The following CSF1R variants were observed in gnomAD, a reference collection of about 807,000 sequenced individuals.
CSF1R encodes macrophage colony-stimulating factor 1 receptor.
A neutral mutation model predicts 110.0 loss-of-function variants in CSF1R; 40 were observed. The ratio of observed to expected loss-of-function variants is 0.36; its 90% CI spans 0.28 to 0.47. The LOEUF (loss-of-function observed/expected upper bound fraction) is 0.47. Among genes scored for constraint, CSF1R ranks in the 20% least tolerant of loss-of-function variants. The pLI, the probability that CSF1R is intolerant of heterozygous loss-of-function variation, is 0.99. For missense variants in CSF1R, 1,052 were observed against 1,253.0 expected (o/e 0.84, Z 2.42); for synonymous variants, 523 against 503.4 (o/e 1.04, Z -0.52).
At chr5:150,095,147 A>G in intron 1 of CSF1R, 1 of 711,396 alleles carries the variant, frequency 1.4e-6, no homozygotes, top group South Asian at 1.9e-5. Context: ...CAGAGCTTCA[A>G]ACTACATGAA....
At chr5:150,103,628 A>G (rs1254653893) in intron 1 of CSF1R, among the ~76,000 whole-genome samples, 2 of 152,214 alleles carry the variant, frequency 1.3e-5, no homozygotes, top group Non-Finnish European at 2.9e-5. Flanking sequence ...GCGCTGGGGA[A>G]CAGAAGATGG....
chr5:150,094,770 C>T (rs1250014810), intron 1 of CSF1R: 7 of 1,597,634 alleles, frequency 4.4e-6, no homozygotes, highest in Admixed American at 1.7e-5. Context: ...AATCTACAAG[C>T]GTGGTTATGG....
chr5:150,074,305 G>GTCTT lies in CSF1R; in HGVS notation c.890-813_890-812insAAGA, dbSNP rs995078692. ...CTTGTATCTGAAAGAGTCCTGACTA[G>GTCTT]TTTTTTTTTTTTTTTTTTTTGAAAC... On this transcript the variant is annotated intron_variant, in intron 5 of 20. Transcript: ENST00000675795. 3.7e-4 allele frequency among the ~76,000 whole-genome samples: 47 copies of GTCTT among 126,862 alleles called. 1 individual carries two copies. The South Asian group carries it at 0.011, about 29-fold the overall frequency. The allele number at this position is 126,862 out of a possible 152,430, so 83.2% of individuals were successfully genotyped here. A position where few individuals can be genotyped will look rare whatever the true frequency, so the allele number is the denominator to read the frequency against.
chr5:150,061,988 T>TGA (rs1001389844), intron 10 of CSF1R, 139 bp from the exon 11 acceptor site: 1 of 1,157,026 alleles, frequency 8.6e-7, no homozygotes. Flanking sequence ...TGCTCTGGGC[T>TGA]GAGAGAGGTC....
Position 150,104,214 on chromosome 5 carries a change from C to A in CSF1R, c.-181+9047G>T, listed in dbSNP as rs1044303368. Among the ~76,000 whole-genome samples, 5 of 152,234 alleles carry A rather than the reference C, an allele frequency of 3.3e-5. No homozygotes were observed. In the South Asian group the frequency reaches 1.0e-3, roughly 32 times the overall value. ...ATTCTCACCAAGTCCCTGACCCAGG[C>A]TGGCAGAGACCCCTCTCTGGTGGAA... On this transcript the variant is annotated intron_variant, in intron 1 of 21. Transcript: ENST00000286301.
At position 150,061,485 on chromosome 5, in the gene CSF1R, A is replaced by G. The variant is rs745870614; in HGVS notation, c.1858+6T>C. ...ATCCCTTCCCTCATCCCCTCCCCTC[A>G]CTCACACTTCAGCATCTTCACAGCC... is the stretch of plus-strand genomic sequence containing the variant. On this transcript the variant is annotated splice_donor_region_variant and intron_variant, in intron 12 of 20. Coordinates refer to ENST00000675795, the MANE Select transcript of CSF1R (RefSeq NM_001288705.3). 1.3e-6 allele frequency: 1 copy of G among 797,014 alleles called. No individual in the cohort carries two copies. Among genetic ancestry groups the G allele is most frequent in the African/African-American group, 3.0e-5 (1 of 33,610 alleles). 49.4% of individuals were successfully genotyped at this position (797,014 alleles called of 1,614,324 possible). A position where few individuals can be genotyped will look rare whatever the true frequency, so the allele number is the denominator to read the frequency against.
chr5:150,087,241 T>C (rs1039608353), upstream of CSF1R, among the ~76,000 whole-genome samples: 1 of 152,240 alleles, frequency 6.6e-6, no homozygotes, highest in Non-Finnish European at 1.5e-5. Context: ...CAGAAGTATT[T>C]TGTGTTGTGA....
chr5:150,083,607 G>A (rs1187018449), intron 1 of CSF1R, among the ~76,000 whole-genome samples: 1 of 151,854 alleles, frequency 6.6e-6, no homozygotes, highest in Admixed American at 6.6e-5. Flanking sequence ...ACTGGACCCT[G>A]GAAAACCATC....
chr5:150,062,835 C>T (rs1469689642), intron 10 of CSF1R, among the ~76,000 whole-genome samples: 1 of 152,128 alleles, frequency 6.6e-6, no homozygotes, highest in Non-Finnish European at 1.5e-5. Flanking sequence ...AAAGAGCCCA[C>T]CATGTGACCA....
chr5:150,110,462 A>C (rs771475296), intron 1 of CSF1R, among the ~76,000 whole-genome samples: 2 of 152,230 alleles, frequency 1.3e-5, no homozygotes, highest in Non-Finnish European at 2.9e-5. Context: ...TGCATTTCTG[A>C]CATTGGTTAA....
At chr5:150,100,847 G>A (rs934535728) in intron 1 of CSF1R, among the ~76,000 whole-genome samples, 4 of 152,102 alleles carry the variant, frequency 2.6e-5, no homozygotes, top group Non-Finnish European at 5.9e-5. Context: ...ATAGTAAAAA[G>A]TAGTATTTAT....
intron 1 of CSF1R, among the ~76,000 whole-genome samples, chr5:150,097,240 A>T (rs945173542): frequency 4.1e-5 from 6 of 147,474 alleles, no homozygotes; most frequent in African/African-American, 1.5e-4. Flanking sequence ...TGACAAAGTG[A>T]CACTCAGTCT....
chr5:150,082,621 G>A (rs1020227396), intron 1 of CSF1R, among the ~76,000 whole-genome samples: 2 of 152,218 alleles, frequency 1.3e-5, no homozygotes, highest in Non-Finnish European at 2.9e-5. Flanking sequence ...CCAGGCCGGG[G>A]TTTTATAGCA....
Position 150,054,179 on chromosome 5 carries a change from T to TGCC in CSF1R, c.2806_2808dup (p.Gly936dup), listed in dbSNP as rs1298562145. 2 of 1,612,692 alleles carry TGCC rather than the reference T, an allele frequency of 1.2e-6. No individual in the cohort carries two copies. Among genetic ancestry groups the TGCC allele is most frequent in the African/African-American group, 1.3e-5 (1 of 75,000 alleles). On this transcript the variant is annotated inframe_insertion, in exon 21 of 21. Transcript: ENST00000675795. ...TCCTCCTCCAGCTCACTGCTGCTGCTGCCGCTGCCACCGCTTCTGCTGCTG... is the reference window on the plus strand; with the variant it reads ...TCCTCCTCCAGCTCACTGCTGCTGCTGCCGCCGCTGCCACCGCTTCTGCTGCTG...
Position 150,056,361 on chromosome 5 carries a change from G to A in CSF1R, c.2320-20C>T, listed in dbSNP as rs199831995. The A allele has an allele frequency of 8.1e-5, 130 of 1,613,884 alleles. No homozygotes were observed. Among genetic ancestry groups the A allele is most frequent in the Non-Finnish European group, 1.0e-4 (121 of 1,179,878 alleles). The stretch of plus-strand genomic sequence containing the variant: ...GATGCACTGAGGGAAAGCACTGCAG[G>A]GTTAGTCTTGGGCCTTCTCCTACCT... On this transcript the variant is annotated intron_variant, in intron 16 of 20. Transcript: ENST00000675795.
chr5:150,059,411 G>A (rs1757397869), intron 14 of CSF1R, among the ~76,000 whole-genome samples: 2 of 152,220 alleles, frequency 1.3e-5, no homozygotes, highest in Admixed American at 6.5e-5. Context: ...ACACTGGGTG[G>A]TGATTTCATT....
At chr5:150,058,638 G>A (rs1469260790) in intron 14 of CSF1R, among the ~76,000 whole-genome samples, 1 of 152,186 alleles carries the variant, frequency 6.6e-6, no homozygotes, top group Non-Finnish European at 1.5e-5. Context: ...GGCCTAGTGT[G>A]TGCCACCCTC....
intron 1 of CSF1R, among the ~76,000 whole-genome samples, chr5:150,107,708 T>C (rs1759595402): frequency 6.6e-6 from 1 of 152,218 alleles, no homozygotes; most frequent in African/African-American, 2.4e-5. Context: ...AGCCTAGGCT[T>C]TGGAGCCAGA....
In CSF1R at chr5:150,057,388, G is replaced by C. The variant is rs1356811823; in HGVS notation, c.2222-4C>G. On this transcript the variant is annotated splice_region_variant and splice_polypyrimidine_tract_variant and intron_variant, in intron 15 of 20. Transcript: ENST00000675795. ...CGTCCATCCTCCTTGTCCAGGTCTA[G>C]GGTGGGAAGAGGCGTCAGGGCAGCC... 1.2e-6 allele frequency: 2 copies of C among 1,613,744 alleles called. No individual in the cohort carries two copies. Among genetic ancestry groups the C allele is most frequent in the Non-Finnish European group, 1.7e-6 (2 of 1,179,834 alleles).
Sources: gnomAD v4.1 joint callset for allele counts (sites outside exome capture counted in the v4.1 genomes callset) on GRCh38, gnomAD v4.1.1 for gene constraint, MANE v1.5 for transcripts, NCBI Gene and HGNC (gene_info 2026-07-23, HGNC 2026-07-21) for gene names.